Variants in GRM8 observed in about 807,000 individuals in gnomAD.
GRM8 encodes the protein metabotropic glutamate receptor 8.
GRM8 carries 47 observed loss-of-function variants against 87.2 expected under a neutral mutation model. The ratio of observed to expected loss-of-function variants is 0.54; its 90% CI spans 0.43 to 0.69. GRM8 has a LOEUF of 0.69. Among genes scored for constraint, GRM8 ranks in the 30% least tolerant of loss-of-function variants. GRM8 has a pLI of 0.00. For missense variants in GRM8, 1,019 were observed against 1,139.2 expected (o/e 0.89, Z 1.52); for synonymous variants, 396 against 404.5 (o/e 0.98, Z 0.25).
In GRM8 at chr7:126,500,933, A is replaced by G. The variant is rs1014011234; in HGVS notation, c.2430+32019T>C. On this transcript the variant is annotated intron_variant, in intron 9 of 10. Transcript: ENST00000339582. ...TTTGCTATTTGTTATGCTCTCCCTT[A>G]GTCTTTGTTTATCAAATCACATGTT... Among the ~76,000 whole-genome samples, 11 of 152,006 alleles carry G rather than the reference A, an allele frequency of 7.2e-5. 1 individual carries two copies. Among genetic ancestry groups the G allele is most frequent in the African/African-American group, 2.7e-4 (11 of 41,448 alleles).
chr7:127,174,002 C>T (rs1027884455), intron 2 of GRM8, among the ~76,000 whole-genome samples: 4 of 151,980 alleles, frequency 2.6e-5, no homozygotes, highest in African/African-American at 9.7e-5. Context: ...TTAAATTAGC[C>T]CTTAACCGAC....
At chr7:126,916,239 A>T (rs577159124) in intron 3 of GRM8, among the ~76,000 whole-genome samples, 1 of 152,352 alleles carries the variant, frequency 6.6e-6, no homozygotes, top group South Asian at 2.1e-4. Context: ...CCCATTACAG[A>T]ATTAATAATT....
chr7:126,939,539 G>C (rs1041506200), intron 3 of GRM8, among the ~76,000 whole-genome samples: 39 of 152,162 alleles, frequency 2.6e-4, no homozygotes, highest in African/African-American at 9.4e-4. Context: ...TCAGATAATG[G>C]ATGACGGAAA....
chr7:126,676,724 C>T (rs577136228), intron 7 of GRM8, among the ~76,000 whole-genome samples: 1 of 152,222 alleles, frequency 6.6e-6, no homozygotes, highest in Non-Finnish European at 1.5e-5. Context: ...AAAATTAACT[C>T]AAAGTTGATT....
chr7:126,545,470 T>A (rs1294336032), intron 8 of GRM8, among the ~76,000 whole-genome samples: 1 of 152,202 alleles, frequency 6.6e-6, no homozygotes, highest in Non-Finnish European at 1.5e-5. Flanking sequence ...GATGGCCAAA[T>A]TTAGAGTTTC....
At chr7:126,772,303 A>C (rs1012742230) in intron 6 of GRM8, among the ~76,000 whole-genome samples, 14 of 152,252 alleles carry the variant, frequency 9.2e-5, no homozygotes, top group East Asian at 5.8e-4. Context: ...ACTGAATAAC[A>C]ACTTTGAGGA....
At chr7:126,986,303 C>T (rs894452535) in intron 3 of GRM8, among the ~76,000 whole-genome samples, 3 of 152,172 alleles carry the variant, frequency 2.0e-5, no homozygotes, top group African/African-American at 7.2e-5. Flanking sequence ...AGTCACCACA[C>T]ACAGGCTGTA....
intron 2 of GRM8, among the ~76,000 whole-genome samples, chr7:127,194,914 T>C (rs1435035936): frequency 6.6e-6 from 1 of 152,156 alleles, no homozygotes; most frequent in Non-Finnish European, 1.5e-5. Context: ...TAAATCCCCC[T>C]TCCCCCACCC....
chr7:126,680,517 A>G (rs1807431339), intron 7 of GRM8, among the ~76,000 whole-genome samples: 1 of 152,212 alleles, frequency 6.6e-6, no homozygotes, highest in Non-Finnish European at 1.5e-5. Context: ...TCTACATTAA[A>G]TGTGTGAATT....
intron 9 of GRM8, among the ~76,000 whole-genome samples, chr7:126,495,237 A>C (rs1477966184): frequency 6.6e-6 from 1 of 152,026 alleles, no homozygotes; most frequent in Non-Finnish European, 1.5e-5. Context: ...CAGTTAATGG[A>C]AAATTTTAGA....
At chr7:126,900,579 A>C (rs1801977810) in intron 6 of GRM8, among the ~76,000 whole-genome samples, 1 of 152,008 alleles carries the variant, frequency 6.6e-6, no homozygotes, top group South Asian at 2.1e-4. Context: ...GTGCAATCTC[A>C]GCTCACTGCA....
intron 7 of GRM8, among the ~76,000 whole-genome samples, chr7:126,719,876 G>T (rs1282124743): frequency 6.8e-6 from 1 of 146,996 alleles, no homozygotes. Context: ...GAAATACAAG[G>T]TATTTACTGA....
chr7:126,631,192 T>C (rs1034640615), intron 7 of GRM8, among the ~76,000 whole-genome samples: 2 of 152,088 alleles, frequency 1.3e-5, no homozygotes, highest in Non-Finnish European at 2.9e-5. Flanking sequence ...CAAAGTCTCA[T>C]GATACAAAAT....
intron 9 of GRM8, among the ~76,000 whole-genome samples, chr7:126,487,985 G>C (rs371464491): frequency 6.6e-6 from 1 of 151,760 alleles, no homozygotes; most frequent in Non-Finnish European, 1.5e-5. Context: ...ACTAAAAATG[G>C]CATTCCATGA....
In GRM8 at chr7:126,984,572, G is replaced by A. The variant is rs565622403; in HGVS notation, c.728-79889C>T. The stretch of plus-strand genomic sequence containing the variant: ...TCCAAATTCTTCAGCTTTGGGACTC[G>A]GACTGGCTTCCTTGCTCCTCAGCTT... On this transcript the variant is annotated intron_variant, in intron 3 of 10. Coordinates refer to ENST00000339582, the MANE Select transcript of GRM8 (RefSeq NM_000845.3). Among the ~76,000 whole-genome samples, 614 of 152,216 alleles carry A rather than the reference G, an allele frequency of 4.0e-3. 6 individuals are homozygous for A. The highest frequency in any genetic ancestry group is 0.014 in the African/African-American group (582 of 41,536).
intron 3 of GRM8, among the ~76,000 whole-genome samples, chr7:127,025,139 C>T (rs149217166): frequency 6.6e-6 from 1 of 152,148 alleles, no homozygotes; most frequent in Non-Finnish European, 1.5e-5. Flanking sequence ...CCCACTTTGA[C>T]ATTTAAGACT....
chr7:126,878,142 C>T (rs1273635181), intron 6 of GRM8, among the ~76,000 whole-genome samples: 1 of 152,176 alleles, frequency 6.6e-6, no homozygotes, highest in Non-Finnish European at 1.5e-5. Flanking sequence ...ATGACCACCC[C>T]ACAGCCCCAC....
intron 6 of GRM8, among the ~76,000 whole-genome samples, chr7:126,819,438 T>C (rs905954599): frequency 6.6e-6 from 1 of 152,170 alleles, no homozygotes; most frequent in Non-Finnish European, 1.5e-5. Flanking sequence ...ATTTGTTGTG[T>C]CTATTGCCTC....
At chr7:126,539,859 C>G (rs1816333937) in intron 8 of GRM8, among the ~76,000 whole-genome samples, 2 of 151,716 alleles carry the variant, frequency 1.3e-5, no homozygotes, top group South Asian at 2.1e-4. Context: ...TAGAAGAAAA[C>G]AGGAGTAAAT....
Sources: gnomAD v4.1 joint callset for allele counts (sites outside exome capture counted in the v4.1 genomes callset) on GRCh38, gnomAD v4.1.1 for gene constraint, MANE v1.5 for transcripts, NCBI Gene and HGNC (gene_info 2026-07-23, HGNC 2026-07-21) for gene names.